Variants in CNTNAP2 observed in about 807,000 individuals in gnomAD.
The protein encoded by CNTNAP2 is contactin associated protein 2, also known as contactin-associated protein-like 2.
CNTNAP2 carries 98 observed loss-of-function variants against 155.2 expected under a neutral mutation model. The observed-to-expected ratio is 0.63, with a 90% confidence interval of 0.54 to 0.75. CNTNAP2 has a LOEUF of 0.75. Ranked by LOEUF, CNTNAP2 falls within the 30% of genes least tolerant of loss-of-function variation. The pLI is 0.00. For missense variants in CNTNAP2, 1,727 were observed against 1,688.1 expected, an observed-to-expected ratio of 1.02 and a Z score of -0.40; for synonymous variants, 651 against 631.2, an observed-to-expected ratio of 1.03 and a Z score of -0.47.
At position 148,136,162 on chromosome 7, in the gene CNTNAP2, TAAAC is replaced by T. The variant is rs567301196; in HGVS notation, c.2555-11322_2555-11319del. 2.2e-3 allele frequency among the ~76,000 whole-genome samples: 327 copies of T among 149,616 alleles called. 1 individual carries two copies. Among genetic ancestry groups the T allele is most frequent in the African/African-American group, 7.2e-3 (292 of 40,692 alleles). On this transcript the variant is annotated intron_variant, in intron 16 of 23. Transcript: ENST00000361727. ...GGAAGGAAAGAAGGAAGGAAAGAAA[TAAAC>T]AAACAAGGAAACCACATTGGGAAAT...
Position 147,012,667 on chromosome 7 carries a change from T to A in CNTNAP2, c.403-31240T>A, listed in dbSNP as rs1415009373. 2.6e-5 allele frequency among the ~76,000 whole-genome samples: 4 copies of A among 152,262 alleles called. No individual in the cohort carries two copies. In the East Asian group the frequency reaches 7.7e-4, roughly 29 times the overall value. On this transcript the variant is annotated intron_variant, in intron 3 of 23. Coordinates refer to ENST00000361727, the MANE Select transcript of CNTNAP2 (RefSeq NM_014141.6). ...TGAGAATTGTGATATTTGAGGCTAG[T>A]CAAGAATCAATGAAACTAATTTAGG...
intron 2 of CNTNAP2, among the ~76,000 whole-genome samples, chr7:146,822,154 A>C (rs1188671080): frequency 6.6e-6 from 1 of 152,176 alleles, no homozygotes; most frequent in East Asian, 1.9e-4. Flanking sequence ...AAAAATGATG[A>C]GTTCATGTCC....
intron 18 of CNTNAP2, among the ~76,000 whole-genome samples, chr7:148,195,179 T>G (rs2116723012): frequency 6.6e-6 from 1 of 152,366 alleles, no homozygotes. Context: ...TCACGCTGTC[T>G]GATTGCACAT....
intron 1 of CNTNAP2, among the ~76,000 whole-genome samples, chr7:146,189,926 C>A (rs1226697699): frequency 1.3e-5 from 2 of 152,084 alleles, no homozygotes; most frequent in African/African-American, 4.8e-5. Context: ...ACTCTGGTTG[C>A]CATATCTAAT....
intron 1 of CNTNAP2, among the ~76,000 whole-genome samples, chr7:146,404,131 A>AAAAAAAAACAAAC: frequency 7.2e-6 from 1 of 138,968 alleles, no homozygotes; most frequent in African/African-American, 3.0e-5. Context: ...TCTCAAAAAA[A>AAAAAAAAACAAAC]AAAAAAAAAA....
intron 1 of CNTNAP2, among the ~76,000 whole-genome samples, chr7:146,123,013 T>C (rs1170106099): frequency 2.0e-5 from 3 of 152,216 alleles, no homozygotes; most frequent in African/African-American, 7.2e-5. Flanking sequence ...TAGTTCACTT[T>C]GGAGGTAGCT....
chr7:146,145,386 A>G lies in CNTNAP2; in HGVS notation c.97+28413A>G, dbSNP rs1797943946. ...AACATACTACATTTTAGCTGGGCAC[A>G]TTACTATCCCAAACCAAACTGGGGT... is the stretch of plus-strand genomic sequence containing the variant. On this transcript the variant is annotated intron_variant, in intron 1 of 23. Coordinates refer to ENST00000361727, the MANE Select transcript of CNTNAP2 (RefSeq NM_014141.6). 3.3e-5 allele frequency among the ~76,000 whole-genome samples: 5 copies of G among 152,286 alleles called. No homozygotes were observed. The South Asian group carries it at 1.0e-3, about 32-fold the overall frequency.
intron 14 of CNTNAP2, among the ~76,000 whole-genome samples, chr7:147,924,143 C>CTTTTTTTTTTTTTTTTT (rs71527854): frequency 3.2e-4 from 40 of 123,474 alleles, no homozygotes; most frequent in Admixed American, 6.0e-4. Flanking sequence ...CTTTTCTTTT[C>CTTTTTTTTTTTTTTTTT]TTTTTTTTTT....
At chr7:148,334,728 C>T (rs1186243024) in intron 21 of CNTNAP2, among the ~76,000 whole-genome samples, 1 of 152,198 alleles carries the variant, frequency 6.6e-6, no homozygotes, top group East Asian at 1.9e-4. Flanking sequence ...CCATGATACC[C>T]AAGAAGAGAG....
chr7:147,383,807 CATTGATTCATAAA>C (rs1386265700), intron 9 of CNTNAP2, among the ~76,000 whole-genome samples: 1 of 151,868 alleles, frequency 6.6e-6, no homozygotes, highest in Non-Finnish European at 1.5e-5. Flanking sequence ...GTTTATGAAT[CATTGATTCATAAA>C]ATGAATATAC....
rs1485562823 is a variant in CNTNAP2 at position 148,140,645 on chromosome 7, C to A, written c.2555-6846C>A. On this transcript the variant is annotated intron_variant, in intron 16 of 23. Transcript: ENST00000361727. ...CCATGTTGGTCAGGCTGGTCTCGAA[C>A]TCCTGACCTCAGGTGATCCACCCGC... Among the ~76,000 whole-genome samples, 4 of 152,060 alleles carry A rather than the reference C, an allele frequency of 2.6e-5. No individual in the cohort carries two copies. In the East Asian group the frequency reaches 7.7e-4, roughly 29 times the overall value.
intron 13 of CNTNAP2, among the ~76,000 whole-genome samples, chr7:147,715,612 T>A (rs1013253360): frequency 6.6e-6 from 1 of 152,144 alleles, no homozygotes; most frequent in Admixed American, 6.6e-5. Flanking sequence ...GTGAGATAGA[T>A]GATTTGCAAA....
At chr7:146,826,097 G>C (rs1030574529) in intron 2 of CNTNAP2, among the ~76,000 whole-genome samples, 3 of 152,078 alleles carry the variant, frequency 2.0e-5, no homozygotes, top group Admixed American at 6.6e-5. Context: ...GCTTCAGTAA[G>C]AGTCCCTGAG....
chr7:148,177,319 C>T (rs527416190), intron 18 of CNTNAP2, among the ~76,000 whole-genome samples: 1 of 152,230 alleles, frequency 6.6e-6, no homozygotes, highest in South Asian at 2.1e-4. Flanking sequence ...CACAGAGGTA[C>T]TGACAGACAT....
At chr7:147,023,161 C>A (rs531589997) in intron 3 of CNTNAP2, among the ~76,000 whole-genome samples, 1 of 152,022 alleles carries the variant, frequency 6.6e-6, no homozygotes, top group Non-Finnish European at 1.5e-5. Flanking sequence ...GAGGAAGAAG[C>A]CTGAGATGAA....
intron 21 of CNTNAP2, among the ~76,000 whole-genome samples, chr7:148,362,040 C>T (rs1197711721): frequency 3.3e-5 from 5 of 152,108 alleles, no homozygotes; most frequent in Admixed American, 3.3e-4. Context: ...AAACCTGTCT[C>T]TACTAAAAAT....
chr7:146,599,955 A>G (rs762998586), intron 1 of CNTNAP2, among the ~76,000 whole-genome samples: 72 of 152,060 alleles, frequency 4.7e-4, no homozygotes, highest in Non-Finnish European at 3.7e-4. Context: ...TTTCCCGTTA[A>G]TTTCCGTTAT....
chr7:146,985,646 C>CTAAT lies in CNTNAP2; in HGVS notation c.403-58256_403-58253dup, dbSNP rs148743732. Among the ~76,000 whole-genome samples the CTAAT allele has an allele frequency of 7.3e-3, 1,117 of 152,176 alleles. 7 individuals carry two copies. The highest frequency in any genetic ancestry group is 0.023 in the South Asian group (112 of 4,824). Reference sequence around the variant, plus strand: ...TTTACTCTTAATATGTATTCTTGAGCTAATTAATGAGAAAATTCAAACAAT... The same window carrying CTAAT: ...TTTACTCTTAATATGTATTCTTGAGCTAATTAATTAATGAGAAAATTCAAACAAT... On this transcript the variant is annotated intron_variant, in intron 3 of 23. Transcript: ENST00000361727.
At chr7:147,949,458 A>ATATATATATATATATTTTT (rs1433579404) in intron 14 of CNTNAP2, among the ~76,000 whole-genome samples, 4 of 137,408 alleles carry the variant, frequency 2.9e-5, no homozygotes, top group East Asian at 4.2e-4. Context: ...ATATATATAT[A>ATATATATATATATATTTTT]TTTTTTTTTT....
Sources: allele counts gnomAD v4.1 joint callset (sites outside exome capture counted in the v4.1 genomes callset), GRCh38; gene constraint gnomAD v4.1.1; transcripts MANE v1.5; gene names NCBI Gene and HGNC (gene_info 2026-07-23, HGNC 2026-07-21).